The following ALMS1 variants were observed in gnomAD, a reference collection of about 807,000 sequenced individuals.
ALMS1 encodes centrosome-associated protein ALMS1.
A neutral mutation model predicts 352.2 loss-of-function variants in ALMS1; 271 were observed. That is an observed-to-expected ratio of 0.77 (90% confidence interval 0.70 to 0.85). ALMS1 has a LOEUF of 0.85. Among genes scored for constraint, ALMS1 ranks in the 40% least tolerant of loss-of-function variants. The probability of loss-of-function intolerance (pLI) is 0.00; values close to 1 mark genes in which losing one functional copy is unlikely to be tolerated. For synonymous variants in ALMS1, 1,865 were observed against 1,761.2 expected (o/e 1.06, Z -1.48); for missense variants, 5,445 against 4,870.7 (o/e 1.12, Z -3.51).
Position 73,485,306 on chromosome 2 carries a change from C to A in ALMS1, c.7675-4328C>A, listed in dbSNP as rs192979570. The stretch of plus-strand genomic sequence containing the variant: ...TTTCCTTCTAACAGACAGGACCCTC[C>A]GCTGCAGGTCTGTTGGAATACCCTG... On this transcript the variant is annotated intron_variant, in intron 9 of 22. Coordinates refer to ENST00000613296, the MANE Select transcript of ALMS1 (RefSeq NM_001378454.1). 3.2e-4 allele frequency among the ~76,000 whole-genome samples: 48 copies of A among 152,166 alleles called. 1 individual carries two copies. The highest frequency in any genetic ancestry group is 1.0e-3 in the South Asian group (5 of 4,822).
rs766105909 is a variant in ALMS1 at position 73,448,134 on chromosome 2, C to T, written c.1607C>T (p.Thr536Ile). The T allele has an allele frequency of 1.2e-6, 2 of 1,613,940 alleles. No individual in the cohort carries two copies. The highest frequency in any genetic ancestry group is 2.2e-5 in the South Asian group (2 of 91,078). ...LETTTGQHTDTLNQKTLADTH... is the reference protein window; with the variant it reads ...LETTTGQHTDILNQKTLADTH... ...ACTACTACTGGTCAACACACTGATA[C>T]TCTCAACCAAAAGACATTAGCAGAT... The change falls in exon 8 of 23, where the codon ACT becomes ATT. Residue 536 changes from threonine to isoleucine, a missense_variant. Transcript: ENST00000613296.
chr2:73,406,812 G>A (rs1367231452), intron 1 of ALMS1, among the ~76,000 whole-genome samples: 1 of 152,134 alleles, frequency 6.6e-6, no homozygotes, highest in Non-Finnish European at 1.5e-5. Context: ...TTTTAGCAGA[G>A]ATGGGGTTTC....
chr2:73,506,712 G>A (rs1455498715), intron 10 of ALMS1, among the ~76,000 whole-genome samples: 4 of 152,116 alleles, frequency 2.6e-5, no homozygotes, highest in East Asian at 1.9e-4. Flanking sequence ...ATATACAATC[G>A]TGTCATCTGC....
intron 6 of ALMS1, among the ~76,000 whole-genome samples, chr2:73,428,122 T>G (rs1184807670): frequency 6.6e-6 from 1 of 152,170 alleles, no homozygotes; most frequent in East Asian, 1.9e-4. Flanking sequence ...ATCTGATAAC[T>G]GGGGATGAAA....
rs747014123 is a variant in ALMS1 at position 73,519,806 on chromosome 2, G to C, written c.9571G>C (p.Ala3191Pro). ...LPEKMKTPLS[A>P]FSEKLSSDAV... ...AGAGAAGATGAAGACCCCACTTTCTGCTTTCTCTGAAAAATTGTCATCTGA... is the reference window on the plus strand; with the variant it reads ...AGAGAAGATGAAGACCCCACTTTCTCCTTTCTCTGAAAAATTGTCATCTGA... The change falls in exon 11 of 23, where the codon GCT (alanine) becomes CCT (proline). Residue 3191 changes from alanine (A) to proline (P), a missense_variant. By Grantham distance (27) the Ala-to-Pro change is conservative. Transcript: ENST00000613296. 3 of 1,613,930 alleles carry C rather than the reference G, an allele frequency of 1.9e-6. No homozygotes were observed. In the South Asian group the frequency reaches 3.3e-5, roughly 18 times the overall value.
intron 7 of ALMS1, among the ~76,000 whole-genome samples, chr2:73,442,081 C>T (rs373271357): frequency 5.3e-5 from 8 of 152,144 alleles, no homozygotes; most frequent in African/African-American, 1.9e-4. Flanking sequence ...ACATTTATTG[C>T]TTGTTCACAT....
intron 15 of ALMS1, among the ~76,000 whole-genome samples, chr2:73,569,725 C>T (rs1420646260): frequency 6.6e-6 from 1 of 152,296 alleles, no homozygotes; most frequent in Non-Finnish European, 1.5e-5. Flanking sequence ...TCCCTTATTG[C>T]CTCAGTTCTT....
At chr2:73,386,535 G>T (rs1348511493) in intron 1 of ALMS1, among the ~76,000 whole-genome samples, 1 of 152,148 alleles carries the variant, frequency 6.6e-6, no homozygotes, top group Non-Finnish European at 1.5e-5. Flanking sequence ...ACCGGAGCGA[G>T]TGGTTGCCTG....
chr2:73,450,223 A>G lies in ALMS1; in HGVS notation c.3696A>G (p.Pro1232=), dbSNP rs766030249. The G allele has an allele frequency of 9.3e-6, 15 of 1,614,034 alleles. No homozygotes were observed. Among genetic ancestry groups the G allele is most frequent in the Non-Finnish European group, 1.3e-5 (15 of 1,179,974 alleles). The change falls in exon 8 of 23, where the codon CCA becomes CCG. Residue 1232 remains proline, a synonymous_variant. Coordinates refer to ENST00000613296, the MANE Select transcript of ALMS1 (RefSeq NM_001378454.1). ...CAGCTGACCAGAAGACTGGGACACC[A>G]ACTCCAACCTCTGCTTCTTACTCAC... is the stretch of plus-strand genomic sequence containing the variant. ...LGPADQKTGT[P]TPTSASYSHT...
At chr2:73,518,737 C>T (rs1405154179) in intron 10 of ALMS1, among the ~76,000 whole-genome samples, 2 of 152,004 alleles carry the variant, frequency 1.3e-5, no homozygotes, top group African/African-American at 4.8e-5. Flanking sequence ...TTTTCATATG[C>T]GTGGTGGCTG....
intron 1 of ALMS1, 69 bp downstream of exon 1, chr2:73,386,261 C>T (rs1242937015): frequency 7.1e-6 from 10 of 1,413,640 alleles, no homozygotes; most frequent in Non-Finnish European, 8.3e-6. Context: ...CCGAGCGCTC[C>T]GCCCGCCCGC....
In ALMS1 at chr2:73,453,072, A is replaced by G. The variant is rs1671983302; in HGVS notation, c.6545A>G (p.Gln2182Arg). 1 of 1,613,932 alleles carries G rather than the reference A, an allele frequency of 6.2e-7. No homozygotes were observed. Among genetic ancestry groups the G allele is most frequent in the South Asian group, 1.1e-5 (1 of 91,066 alleles). The change falls in exon 8 of 23, where the codon CAA becomes CGA. Residue 2182 changes from glutamine to arginine, a missense_variant. Physicochemically the swap from Gln to Arg is conservative, Grantham distance 43. Transcript: ENST00000613296. ...CAAGCTGATCAAATTACCGGATTACAAACAGTTCCCTCTGGTACTTACTCA... is the reference window on the plus strand; with the variant it reads ...CAAGCTGATCAAATTACCGGATTACGAACAGTTCCCTCTGGTACTTACTCA... ...LGQADQITGL[Q>R]TVPSGTYSHG... is the part of the protein sequence containing the mutation.
intron 10 of ALMS1, among the ~76,000 whole-genome samples, chr2:73,494,677 G>A (rs572922771): frequency 3.3e-5 from 5 of 152,154 alleles, no homozygotes; most frequent in Non-Finnish European, 7.3e-5. Flanking sequence ...TTCAAGGTTA[G>A]ATTAGGGTTA....
intron 13 of ALMS1, 30 bp from the exon 14 acceptor site, chr2:73,557,190 T>G: frequency 6.2e-7 from 1 of 1,613,870 alleles, no homozygotes; most frequent in African/African-American, 1.3e-5. Context: ...ATCTTTCCTT[T>G]TCTGAAATCA....
In ALMS1 at chr2:73,491,406, T is replaced by C. The variant is rs1475513628; in HGVS notation, c.9447T>C (p.Asn3149=). The change falls in exon 10 of 23, where the codon AAT becomes AAC. Residue 3149 remains asparagine (N), a synonymous_variant. Coordinates refer to ENST00000613296, the MANE Select transcript of ALMS1 (RefSeq NM_001378454.1). The part of the protein sequence containing the change: ...TQDLKTIPSQ[N]SQIVTSRQIQ... ...ACTTGAAAACCATACCTTCTCAGAATAGCCAGATAGTAACCTCCAGGCAAA... is the reference window on the plus strand; with the variant it reads ...ACTTGAAAACCATACCTTCTCAGAACAGCCAGATAGTAACCTCCAGGCAAA... 1 of 1,614,040 alleles carries C rather than the reference T, an allele frequency of 6.2e-7. No individual in the cohort carries two copies. Among genetic ancestry groups the C allele is most frequent in the African/African-American group, 1.3e-5 (1 of 74,916 alleles).
At chr2:73,541,910 T>C (rs1674192574) in intron 12 of ALMS1, among the ~76,000 whole-genome samples, 1 of 152,142 alleles carries the variant, frequency 6.6e-6, no homozygotes, top group African/African-American at 2.4e-5. Flanking sequence ...CAGGACCAGA[T>C]GGATTCACAG....
chr2:73,480,750 T>C (rs1275656278), intron 9 of ALMS1, among the ~76,000 whole-genome samples: 1 of 150,982 alleles, frequency 6.6e-6, no homozygotes, highest in East Asian at 1.9e-4. Flanking sequence ...GTTTCCTGAC[T>C]TTTTAATGAT....
chr2:73,466,563 G>A (rs1295293085), intron 9 of ALMS1, among the ~76,000 whole-genome samples: 1 of 151,792 alleles, frequency 6.6e-6, no homozygotes, highest in Admixed American at 6.6e-5. Flanking sequence ...AATGGGTGCA[G>A]CACACCAACA....
At chr2:73,404,472 T>C (rs1670933464) in intron 1 of ALMS1, among the ~76,000 whole-genome samples, 1 of 152,100 alleles carries the variant, frequency 6.6e-6, no homozygotes, top group Non-Finnish European at 1.5e-5. Flanking sequence ...TGTTGACTTT[T>C]TTTTTTTTTA....
Sources: gnomAD v4.1 joint callset for allele counts (sites outside exome capture counted in the v4.1 genomes callset) on GRCh38, gnomAD v4.1.1 for gene constraint, MANE v1.5 for transcripts, NCBI Gene and HGNC (gene_info 2026-07-23, HGNC 2026-07-21) for gene names.